Variants in NEGR1 observed in about 807,000 individuals in gnomAD.
NEGR1 encodes neuronal growth regulator 1, also known as IgLON family member 4.
In NEGR1, 10 loss-of-function variants were observed where a neutral mutation model predicts 40.9. That is an observed-to-expected ratio of 0.24 (90% CI 0.15 to 0.42). The LOEUF (loss-of-function observed/expected upper bound fraction) is 0.42. Ranked by LOEUF, NEGR1 falls within the 10% of genes least tolerant of loss-of-function variation. The probability of loss-of-function intolerance (pLI) is 1.00; values close to 1 mark genes in which losing one functional copy is unlikely to be tolerated. For synonymous variants in NEGR1, 185 were observed against 166.8 expected (o/e 1.11, Z -0.84); for missense variants, 352 against 438.9 (o/e 0.80, Z 1.77).
intron 6 of NEGR1, among the ~76,000 whole-genome samples, chr1:71,585,846 G>T (rs1570067785): frequency 6.6e-6 from 1 of 152,114 alleles, no homozygotes; most frequent in East Asian, 1.9e-4. Flanking sequence ...TGTCTATCCA[G>T]TGAAATAAAG....
intron 2 of NEGR1, among the ~76,000 whole-genome samples, chr1:71,898,801 A>AT (rs1206425089): frequency 6.7e-6 from 1 of 149,658 alleles, no homozygotes; most frequent in Admixed American, 6.7e-5. Context: ...CAGAGCAAGT[A>AT]TATGTATACA....
chr1:72,095,451 A>G (rs964515711), intron 1 of NEGR1, among the ~76,000 whole-genome samples: 2 of 152,076 alleles, frequency 1.3e-5, no homozygotes, highest in African/African-American at 4.8e-5. Flanking sequence ...AAACACTTCT[A>G]TATACTAATT....
At chr1:72,232,946 T>C (rs1207178985) in intron 1 of NEGR1, among the ~76,000 whole-genome samples, 1 of 152,082 alleles carries the variant, frequency 6.6e-6, no homozygotes, top group Non-Finnish European at 1.5e-5. Context: ...CACAGTAAAG[T>C]CTTGAAAAAT....
intron 6 of NEGR1, among the ~76,000 whole-genome samples, chr1:71,522,771 A>T (rs1647169047): frequency 6.7e-6 from 1 of 150,144 alleles, no homozygotes; most frequent in Non-Finnish European, 1.5e-5. Context: ...AATACTTTTT[A>T]AAAACCAAGC....
intron 1 of NEGR1, among the ~76,000 whole-genome samples, chr1:72,210,209 G>A (rs1653550707): frequency 1.3e-5 from 2 of 151,628 alleles, no homozygotes; most frequent in South Asian, 4.2e-4. Context: ...TTACTATTAT[G>A]GCATTTGCAC....
At chr1:72,104,344 CAG>C (rs796196621) in intron 1 of NEGR1, among the ~76,000 whole-genome samples, 106 of 152,184 alleles carry the variant, frequency 7.0e-4, no homozygotes, top group Middle Eastern at 3.4e-3. Context: ...GTAGTAAGGT[CAG>C]AGTCATTCAT....
intron 6 of NEGR1, among the ~76,000 whole-genome samples, chr1:71,536,071 G>C (rs140365236): frequency 5.3e-4 from 81 of 151,800 alleles, no homozygotes; most frequent in African/African-American, 1.9e-3. Context: ...TAAGCAGACT[G>C]TTAGACTTAA....
intron 2 of NEGR1, among the ~76,000 whole-genome samples, chr1:71,896,679 CG>C (rs1471110469): frequency 4.6e-5 from 7 of 152,214 alleles, no homozygotes; most frequent in African/African-American, 1.7e-4. Flanking sequence ...AGTTGTAGCT[CG>C]TACCTTCAGA....
intron 2 of NEGR1, among the ~76,000 whole-genome samples, chr1:71,816,855 A>T (rs1286204489): frequency 6.6e-6 from 1 of 151,938 alleles, no homozygotes; most frequent in Non-Finnish European, 1.5e-5. Flanking sequence ...TGCTTGTATT[A>T]CATCCCTTAT....
At chr1:71,434,180 A>G (rs1360318933) in intron 6 of NEGR1, among the ~76,000 whole-genome samples, 1 of 152,194 alleles carries the variant, frequency 6.6e-6, no homozygotes, top group Non-Finnish European at 1.5e-5. Context: ...GCCTAGAAAT[A>G]TCAAACAAAT....
intron 6 of NEGR1, among the ~76,000 whole-genome samples, chr1:71,557,713 A>G (rs941651624): frequency 6.6e-6 from 1 of 151,636 alleles, no homozygotes; most frequent in Non-Finnish European, 1.5e-5. Flanking sequence ...ATTATCAAAT[A>G]TCAATTATGA....
At chr1:71,662,492 C>G (rs902308499) in intron 4 of NEGR1, among the ~76,000 whole-genome samples, 2 of 152,070 alleles carry the variant, frequency 1.3e-5, no homozygotes, top group African/African-American at 4.8e-5. Context: ...TAGACTGAAC[C>G]TTGGTTCTAC....
At chr1:71,448,885 G>T (rs538550690) in intron 6 of NEGR1, among the ~76,000 whole-genome samples, 104 of 152,276 alleles carry the variant, frequency 6.8e-4, no homozygotes, top group Middle Eastern at 3.4e-3. Flanking sequence ...AAGGGGCATA[G>T]GATAAAATCT....
intron 3 of NEGR1, among the ~76,000 whole-genome samples, chr1:71,750,055 G>A (rs1004687126): frequency 2.0e-5 from 3 of 149,536 alleles, no homozygotes; most frequent in Non-Finnish European, 4.4e-5. Flanking sequence ...CTGCAGTGGC[G>A]CAATCTCGGC....
intron 1 of NEGR1, among the ~76,000 whole-genome samples, chr1:72,023,505 C>T (rs1646778958): frequency 6.6e-6 from 1 of 151,576 alleles, no homozygotes; most frequent in African/African-American, 2.4e-5. Context: ...AAAGCCCAAC[C>T]AGCCTGTTTT....
intron 1 of NEGR1, among the ~76,000 whole-genome samples, chr1:71,942,452 A>AATATATATATATATATATATATAT (rs1409165579): frequency 5.8e-5 from 2 of 34,258 alleles, no homozygotes; most frequent in Non-Finnish European, 5.7e-5. Flanking sequence ...AAATTCTTTA[A>AATATATATATATATATATATATAT]ATCTATATAT....
chr1:71,613,864 T>C (rs1313167765), intron 4 of NEGR1, among the ~76,000 whole-genome samples: 2 of 152,176 alleles, frequency 1.3e-5, no homozygotes, highest in African/African-American at 4.8e-5. Flanking sequence ...ACTATGGATG[T>C]ATTTTGATTT....
intron 3 of NEGR1, among the ~76,000 whole-genome samples, chr1:71,718,066 C>A (rs562320210): frequency 5.2e-4 from 79 of 152,124 alleles, no homozygotes; most frequent in African/African-American, 1.9e-3. Context: ...GTAGGCCTAC[C>A]AAATCTATAC....
At chr1:72,046,053 G>C (rs1000146451) in intron 1 of NEGR1, among the ~76,000 whole-genome samples, 14 of 151,814 alleles carry the variant, frequency 9.2e-5, no homozygotes, top group African/African-American at 3.4e-4. Flanking sequence ...GCAATAGAGA[G>C]AGAAAAATTC....
Sources: allele counts gnomAD v4.1 joint callset (sites outside exome capture counted in the v4.1 genomes callset), GRCh38; gene constraint gnomAD v4.1.1; transcripts MANE v1.5; gene names NCBI Gene and HGNC (gene_info 2026-07-23, HGNC 2026-07-21).